UTRN: variants seen among roughly 807,000 people sequenced by gnomAD.
The protein encoded by UTRN is utrophin.
A neutral mutation model predicts 463.9 loss-of-function variants in UTRN; 283 were observed. The observed-to-expected ratio is 0.61, with a 90% CI of 0.55 to 0.67. The LOEUF is 0.67. Ranked by LOEUF, UTRN falls within the 30% of genes least tolerant of loss-of-function variation. UTRN has a pLI of 0.00. For synonymous variants in UTRN, 1,442 were observed against 1,431.5 expected, an observed-to-expected ratio of 1.01 and a Z score of -0.17; for missense variants, 3,922 against 4,084.3, an observed-to-expected ratio of 0.96 and a Z score of 1.08.
chr6:144,748,331 A>G lies in UTRN; in HGVS notation c.8025A>G (p.Leu2675=). ...SSEVKEKWES[L]NAVTSNWQKQ... is the part of the protein sequence containing the mutation. ...AAGTCAAAGAAAAATGGGAAAGTCT[A>G]AATGCTGTAACTAGCAATTGGCAAA... The change falls in exon 55 of 75, where the codon CTA becomes CTG. Residue 2675 remains leucine (L), a synonymous_variant. Coordinates refer to ENST00000367545, the MANE Select transcript of UTRN (RefSeq NM_007124.3). 1 of 1,613,676 alleles carries G rather than the reference A, an allele frequency of 6.2e-7. No individual in the cohort carries two copies. Among genetic ancestry groups the G allele is most frequent in the Non-Finnish European group, 8.5e-7 (1 of 1,179,898 alleles).
intron 58 of UTRN, among the ~76,000 whole-genome samples, chr6:144,769,583 C>T (rs1793773772): frequency 6.6e-6 from 1 of 152,202 alleles, no homozygotes; most frequent in Non-Finnish European, 1.5e-5. Context: ...GTGGTATTTT[C>T]CTCTTGTGAT....
At chr6:144,678,681 T>C (rs886960244) in intron 52 of UTRN, 103 bp downstream of exon 52, 1 of 1,057,926 alleles carries the variant, frequency 9.5e-7, no homozygotes, top group African/African-American at 1.6e-5. Flanking sequence ...CCACCACTTC[T>C]ATTTCATCAG....
At chr6:144,728,401 T>C (rs1049953153) in intron 53 of UTRN, among the ~76,000 whole-genome samples, 1 of 150,868 alleles carries the variant, frequency 6.6e-6, no homozygotes, top group African/African-American at 2.4e-5. Flanking sequence ...ATTAAAAATC[T>C]TTTTTTTTCC....
intron 2 of UTRN, among the ~76,000 whole-genome samples, chr6:144,329,302 C>T (rs1273873837): frequency 4.6e-5 from 7 of 151,434 alleles, no homozygotes. Flanking sequence ...AGGATGGTCT[C>T]GATCTCTTGA....
chr6:144,430,218 A>G (rs1305747741), intron 9 of UTRN, among the ~76,000 whole-genome samples: 2 of 152,114 alleles, frequency 1.3e-5, no homozygotes, highest in Non-Finnish European at 2.9e-5. Flanking sequence ...AGGAGGAGTA[A>G]TGTATGGTAA....
At chr6:144,341,882 A>C (rs1233920614) in intron 2 of UTRN, among the ~76,000 whole-genome samples, 1 of 152,228 alleles carries the variant, frequency 6.6e-6, no homozygotes, top group African/African-American at 2.4e-5. Flanking sequence ...GTATGAACCC[A>C]TACAGCTGTA....
chr6:144,393,306 C>T (rs1198849289), intron 2 of UTRN, among the ~76,000 whole-genome samples: 8 of 152,058 alleles, frequency 5.3e-5, no homozygotes, highest in African/African-American at 1.7e-4. Flanking sequence ...ATCTTTTTCA[C>T]GATTTAAATT....
In UTRN at chr6:144,487,596, C is replaced by G. The variant is rs765974323; in HGVS notation, c.3871C>G (p.Arg1291Gly). 40 of 1,613,390 alleles carry G rather than the reference C, an allele frequency of 2.5e-5. No homozygotes were observed. The highest frequency in any genetic ancestry group is 3.3e-5 in the Non-Finnish European group (39 of 1,179,606). Reference protein sequence around the residue: ...RHPADNRTQIRELGQTLIDGG... With the variant: ...RHPADNRTQIGELGQTLIDGG... ...CCCGGCAGATAATCGCACCCAGATTCGAGAGCTTGGCCAGACTCTGATTGA... is the reference window on the plus strand; with the variant it reads ...CCCGGCAGATAATCGCACCCAGATTGGAGAGCTTGGCCAGACTCTGATTGA... The change falls in exon 29 of 75, where the codon CGA (arginine) becomes GGA (glycine). Residue 1291 changes from arginine (R) to glycine (G), a missense_variant. Physicochemically the swap from Arg to Gly is moderately radical, Grantham distance 125. Coordinates refer to ENST00000367545, the MANE Select transcript of UTRN (RefSeq NM_007124.3).
intron 38 of UTRN, 110 bp downstream of exon 38, chr6:144,516,497 G>C: frequency 8.0e-7 from 1 of 1,255,868 alleles, no homozygotes; most frequent in Non-Finnish European, 1.1e-6. Flanking sequence ...TGATGAAACA[G>C]ATTCAAATGT....
chr6:144,385,775 C>A (rs947546362), intron 2 of UTRN, among the ~76,000 whole-genome samples: 1 of 150,752 alleles, frequency 6.6e-6, no homozygotes, highest in Non-Finnish European at 1.5e-5. Context: ...GAGGTGCGAT[C>A]TCGGCTCAGT....
chr6:144,375,905 G>A (rs1000580064), intron 2 of UTRN, among the ~76,000 whole-genome samples: 10 of 152,130 alleles, frequency 6.6e-5, no homozygotes, highest in Non-Finnish European at 4.4e-5. Context: ...TCTGCCTGGC[G>A]TTTTATGGCA....
At chr6:144,556,169 G>A (rs1418702556) in intron 49 of UTRN, among the ~76,000 whole-genome samples, 2 of 152,194 alleles carry the variant, frequency 1.3e-5, no homozygotes, top group Admixed American at 1.3e-4. Context: ...GCTAGCCTAA[G>A]ATGGAAGTGT....
In UTRN at chr6:144,536,883, A is replaced by G. The variant is rs548985959; in HGVS notation, c.6234-699A>G. ...TTATAAATGTTATTCTTATAACACT[A>G]TAAAGATCTAATTGAGGCAGTTCCT... On this transcript the variant is annotated intron_variant, in intron 43 of 74. Coordinates refer to ENST00000367545, the MANE Select transcript of UTRN (RefSeq NM_007124.3). Among the ~76,000 whole-genome samples the G allele has an allele frequency of 9.5e-4, 144 of 152,192 alleles. 1 individual carries two copies. The highest frequency in any genetic ancestry group is 2.4e-3 in the African/African-American group (101 of 41,582).
chr6:144,400,752 T>G (rs1296606497), intron 2 of UTRN, among the ~76,000 whole-genome samples: 1 of 152,212 alleles, frequency 6.6e-6, no homozygotes, highest in Non-Finnish European at 1.5e-5. Flanking sequence ...TTTTGAAACA[T>G]TTGGATGTTA....
Position 144,836,387 on chromosome 6 carries a change from C to CA in UTRN, c.9911_9912insA (p.Pro3305SerfsTer6). 7.8e-7 allele frequency: 1 copy of CA among 1,279,604 alleles called. No homozygotes were observed. 79.3% of individuals were successfully genotyped at this position (1,279,604 alleles called of 1,614,324 possible). A position where few individuals can be genotyped will look rare whatever the true frequency, so the allele number is the denominator to read the frequency against. ...GGTTCACCGCCAGAGTCGATTATAT[C>CA]TCCCCATCACACGTCTGAGGATTCA... On this transcript the variant is annotated frameshift_variant, in exon 71 of 75. Transcript: ENST00000367545. LOFTEE classifies it high-confidence loss of function.
At chr6:144,761,331 A>T (rs938715102) in intron 58 of UTRN, among the ~76,000 whole-genome samples, 1 of 152,094 alleles carries the variant, frequency 6.6e-6, no homozygotes, top group African/African-American at 2.4e-5. Context: ...GTATAGTGCA[A>T]TGAGAGCTCA....
intron 2 of UTRN, among the ~76,000 whole-genome samples, chr6:144,368,286 A>G (rs1343979922): frequency 6.6e-6 from 1 of 152,184 alleles, no homozygotes; most frequent in East Asian, 1.9e-4. Flanking sequence ...GAAAACTGTG[A>G]CATATATCAA....
At chr6:144,346,197 TA>T (rs1777557175) in intron 2 of UTRN, among the ~76,000 whole-genome samples, 1 of 149,292 alleles carries the variant, frequency 6.7e-6, no homozygotes, top group Non-Finnish European at 1.5e-5. Context: ...AAAAATAAAA[TA>T]AAAAAGCAGG....
intron 58 of UTRN, among the ~76,000 whole-genome samples, chr6:144,765,597 G>C (rs1793210955): frequency 6.6e-6 from 1 of 152,150 alleles, no homozygotes; most frequent in Non-Finnish European, 1.5e-5. Flanking sequence ...TTTTTTTAGA[G>C]ATGGAGTCTT....
Sources: gnomAD v4.1 joint callset for allele counts (sites outside exome capture counted in the v4.1 genomes callset) on GRCh38, gnomAD v4.1.1 for gene constraint, MANE v1.5 for transcripts, NCBI Gene and HGNC (gene_info 2026-07-23, HGNC 2026-07-21) for gene names.